MTFMT: variants seen among roughly 807,000 people sequenced by gnomAD.
MTFMT encodes the protein methionyl-tRNA formyltransferase, mitochondrial.
A neutral mutation model predicts 51.8 loss-of-function variants in MTFMT; 47 were observed. That is an observed-to-expected ratio of 0.91 (90% CI 0.72 to 1.16). The LOEUF (loss-of-function observed/expected upper bound fraction) is 1.16, where lower values mean the gene tolerates loss of function less well. Among genes scored for constraint, MTFMT ranks in the 50% most tolerant of loss-of-function variants. The probability of loss-of-function intolerance (pLI) is 0.00; values close to 1 mark genes in which losing one functional copy is unlikely to be tolerated. For missense variants in MTFMT, 512 were observed against 482.3 expected (o/e 1.06, Z -0.58); for synonymous variants, 196 against 176.7 (o/e 1.11, Z -0.87).
Position 65,002,066 on chromosome 15 carries a change from C to G in MTFMT, c.*996G>C, listed in dbSNP as rs141305164. 1.3e-5 allele frequency: 2 copies of G among 152,006 alleles called. No homozygotes were observed. Among genetic ancestry groups the G allele is most frequent in the African/African-American group, 4.8e-5 (2 of 41,450 alleles). 9.4% of individuals were successfully genotyped at this position (152,006 alleles called of 1,614,324 possible). A position where few individuals can be genotyped will look rare whatever the true frequency, so the allele number is the denominator to read the frequency against. ...TACTCCTAAAATGTCAGTGGTGACA[C>G]GATTTTTAAAAAATTAAATAGATGC... On this transcript the variant is annotated 3_prime_UTR_variant, in exon 9 of 9. Transcript: ENST00000220058.
intron 6 of MTFMT, among the ~76,000 whole-genome samples, chr15:65,014,622 G>C (rs558361376): frequency 6.7e-6 from 1 of 148,722 alleles, no homozygotes; most frequent in Admixed American, 6.7e-5. Flanking sequence ...CACCATGCCC[G>C]GTCTTTTTTT....
At chr15:65,025,877 A>G (rs2140490017) in intron 2 of MTFMT, among the ~76,000 whole-genome samples, 1 of 152,294 alleles carries the variant, frequency 6.6e-6, no homozygotes, top group South Asian at 2.1e-4. Context: ...AAGCCTATAG[A>G]GGGTGATAAG....
intron 5 of MTFMT, among the ~76,000 whole-genome samples, chr15:65,017,333 C>A (rs1275257362): frequency 6.6e-6 from 1 of 152,008 alleles, no homozygotes; most frequent in African/African-American, 2.4e-5. Flanking sequence ...ACATTACTGA[C>A]AGGAATAAGG....
At chr15:65,029,287 A>G in intron 1 of MTFMT, 118 bp downstream of exon 1, 1 of 1,322,824 alleles carries the variant, frequency 7.6e-7, no homozygotes, top group Non-Finnish European at 9.6e-7. Context: ...ATCTGGGCCC[A>G]CACCGCTCTG....
intron 2 of MTFMT, among the ~76,000 whole-genome samples, chr15:65,025,890 G>A (rs1307976689): frequency 2.0e-5 from 3 of 152,106 alleles, no homozygotes; most frequent in Non-Finnish European, 4.4e-5. Context: ...GTGATAAGGA[G>A]TTAAATACAT....
At chr15:65,006,047 A>G in intron 7 of MTFMT, 66 bp downstream of exon 7, 1 of 1,117,454 alleles carries the variant, frequency 8.9e-7, no homozygotes, top group Middle Eastern at 2.0e-4. Context: ...ATATGATAAA[A>G]CAGACGTATT....
At position 65,029,615 on chromosome 15, in the gene MTFMT, G is replaced by A. The variant is rs1292330470; in HGVS notation, c.-2C>T. 1.4e-5 allele frequency: 19 copies of A among 1,388,286 alleles called. No homozygotes were observed. The highest frequency in any genetic ancestry group is 1.8e-5 in the Non-Finnish European group (19 of 1,067,702). 86.0% of individuals were successfully genotyped at this position (1,388,286 alleles called of 1,614,324 possible). Reference sequence around the variant, plus strand: ...ACAGCGCCGCACCAACACCCTCATCGCCTCGGCCGCCGGCGGCCGGCCCTG... The same window carrying A: ...ACAGCGCCGCACCAACACCCTCATCACCTCGGCCGCCGGCGGCCGGCCCTG... On this transcript the variant is annotated 5_prime_UTR_variant, in exon 1 of 9. Coordinates refer to ENST00000220058, the MANE Select transcript of MTFMT (RefSeq NM_139242.4).
At chr15:65,004,270 G>A (rs551497366) in intron 8 of MTFMT, among the ~76,000 whole-genome samples, 2 of 152,178 alleles carry the variant, frequency 1.3e-5, no homozygotes, top group South Asian at 4.2e-4. Context: ...ACCCGCCTCA[G>A]CCTCCCAAAG....
intron 5 of MTFMT, among the ~76,000 whole-genome samples, chr15:65,017,800 AAAAG>A (rs1000695666): frequency 1.3e-5 from 2 of 152,228 alleles, no homozygotes; most frequent in African/African-American, 4.8e-5. Flanking sequence ...TCTTAAAAAA[AAAAG>A]AAAGAAGGAG....
intron 5 of MTFMT, among the ~76,000 whole-genome samples, 192 bp from the exon 6 acceptor site, chr15:65,016,719 T>C (rs754709631): frequency 7.2e-5 from 11 of 151,774 alleles, no homozygotes; most frequent in Non-Finnish European, 1.6e-4. Context: ...AAAACATGGG[T>C]GAACTTCTTT....
Position 65,004,913 on chromosome 15 carries a change from G to A in MTFMT, c.916C>T (p.Leu306Phe), listed in dbSNP as rs182680679. The change falls in exon 8 of 9, where the codon CTT becomes TTT. Residue 306 changes from leucine (L) to phenylalanine (F), a missense_variant. Transcript: ENST00000220058. ...LADPKLTGQA[L>F]IPGSVIYHKQ... ...TGGTATATTACTGATCCTGGAATAA[G>A]AGCCTGTCCCGTTAATTTTGGATCT... The A allele has an allele frequency of 1.9e-6, 3 of 1,612,092 alleles. No individual in the cohort carries two copies. Among genetic ancestry groups the A allele is most frequent in the East Asian group, 2.2e-5 (1 of 44,780 alleles).
At chr15:65,022,085 G>A (rs1162312819) in intron 3 of MTFMT, among the ~76,000 whole-genome samples, 1 of 152,200 alleles carries the variant, frequency 6.6e-6, no homozygotes, top group Non-Finnish European at 1.5e-5. Context: ...TTCCATGGAA[G>A]TACAGTTAGG....
intron 6 of MTFMT, among the ~76,000 whole-genome samples, chr15:65,015,424 A>T (rs2086311853): frequency 6.6e-6 from 1 of 152,244 alleles, no homozygotes; most frequent in Non-Finnish European, 1.5e-5. Context: ...TTAAAGTGGG[A>T]TGATAATAAC....
Position 65,020,279 on chromosome 15 carries a change from A to G in MTFMT, c.646-7T>C, listed in dbSNP as rs1333050864. ...TTTTCAAAACTGAAATGAGCTACAA[A>G]AAAAAAAAAAAGAGTGTGATATATT... On this transcript the variant is annotated splice_region_variant and splice_polypyrimidine_tract_variant and intron_variant, in intron 4 of 8. Coordinates refer to ENST00000220058, the MANE Select transcript of MTFMT (RefSeq NM_139242.4). 1 of 1,554,336 alleles carries G rather than the reference A, an allele frequency of 6.4e-7. No homozygotes were observed. The highest frequency in any genetic ancestry group is 1.7e-4 in the Middle Eastern group (1 of 5,912).
intron 6 of MTFMT, among the ~76,000 whole-genome samples, chr15:65,007,295 T>C (rs761619062): frequency 6.6e-6 from 1 of 152,220 alleles, no homozygotes; most frequent in Non-Finnish European, 1.5e-5. Flanking sequence ...AGAACCCAGA[T>C]TTTAGCTGAG....
In MTFMT at chr15:65,003,030, A is replaced by G. The variant is rs773906080; in HGVS notation, c.*32T>C. 5 of 1,269,842 alleles carry G rather than the reference A, an allele frequency of 3.9e-6. No individual in the cohort carries two copies. Among genetic ancestry groups the G allele is most frequent in the Non-Finnish European group, 5.3e-6 (5 of 945,204 alleles). The allele number at this position is 1,269,842 out of a possible 1,614,324, so 78.7% of individuals were successfully genotyped here. ...ATAAGGTTTTTAATAAATTACAAAT[A>G]TGTAATAGGTTTTTATCCATCTTCT... On this transcript the variant is annotated 3_prime_UTR_variant, in exon 9 of 9. Transcript: ENST00000220058.
intron 6 of MTFMT, among the ~76,000 whole-genome samples, chr15:65,012,506 G>A (rs918801758): frequency 5.3e-5 from 8 of 151,928 alleles, no homozygotes; most frequent in African/African-American, 9.7e-5. Flanking sequence ...AGTGATTCTC[G>A]TGCCTTAGCC....
Position 65,029,460 on chromosome 15 carries a change from A to G in MTFMT, c.154T>C (p.Phe52Leu). The G allele has an allele frequency of 6.5e-7, 1 of 1,531,842 alleles. No individual in the cohort carries two copies. 94.9% of individuals were successfully genotyped at this position (1,531,842 alleles called of 1,614,324 possible). ...CGGGCGAACTGGTCCGTGCCGAAGA[A>G]GAGCACCCGCCAGGGAGGCTTCTCG... is the stretch of plus-strand genomic sequence containing the variant. ...VREKPPWRVL[F>L]FGTDQFAREA... Residue 52 changes from phenylalanine to leucine, a missense_variant, in exon 1 of 9, where the codon TTC (phenylalanine) becomes CTC (leucine). By Grantham distance (22) the Phe-to-Leu change is conservative. Transcript: ENST00000220058.
chr15:65,015,353 C>T (rs939782224), intron 6 of MTFMT, among the ~76,000 whole-genome samples: 2 of 152,158 alleles, frequency 1.3e-5, no homozygotes, highest in South Asian at 2.1e-4. Context: ...ACTAGCAACA[C>T]GACATCGAGT....
Sources: gnomAD v4.1 joint callset for allele counts (sites outside exome capture counted in the v4.1 genomes callset) on GRCh38, gnomAD v4.1.1 for gene constraint, MANE v1.5 for transcripts, NCBI Gene and HGNC (gene_info 2026-07-23, HGNC 2026-07-21) for gene names.